Variants in MED8 observed in about 807,000 individuals in gnomAD.
The protein encoded by MED8 is mediator of RNA polymerase II transcription subunit 8.
In MED8, 22 loss-of-function variants were observed where a neutral mutation model predicts 34.8. The ratio of observed to expected loss-of-function variants is 0.63; its 90% CI spans 0.45 to 0.90. MED8 has a LOEUF of 0.90. Among genes scored for constraint, MED8 ranks in the 40% least tolerant of loss-of-function variants. MED8 has a pLI of 0.00. For missense variants in MED8, 260 were observed against 326.3 expected, an observed-to-expected ratio of 0.80 and a Z score of 1.57; for synonymous variants, 105 against 120.2, an observed-to-expected ratio of 0.87 and a Z score of 0.83.
At position 43,389,774 on chromosome 1, in the gene MED8, C is replaced by G. The variant is rs1246965718; in HGVS notation, c.-10G>C. ...CAACTCTCACCTGCATTGCGGCGGC[C>G]GAGGCGGCTGCCACGATTTCACTTC... is the stretch of plus-strand genomic sequence containing the variant. On this transcript the variant is annotated 5_prime_UTR_variant, in exon 1 of 7. Transcript: ENST00000372457. The G allele has an allele frequency of 1.2e-6, 2 of 1,609,190 alleles. No individual in the cohort carries two copies. Among genetic ancestry groups the G allele is most frequent in the South Asian group, 2.2e-5 (2 of 90,230 alleles).
At chr1:43,385,331 C>G (rs927698312) in intron 6 of MED8, 2 of 537,694 alleles carry the variant, frequency 3.7e-6, no homozygotes, top group Non-Finnish European at 3.3e-6. Flanking sequence ...TGTTCATCCA[C>G]TCCTAGAACA....
rs118153648 is a variant in MED8, at chr1:43,384,282, G to A, written c.*760C>T. The A allele has an allele frequency of 6.0e-3, 4,502 of 754,284 alleles. 54 individuals are homozygous for A. The highest frequency in any genetic ancestry group is 0.044 in the Admixed American group (1,137 of 26,096). 46.7% of individuals were successfully genotyped at this position (754,284 alleles called of 1,614,324 possible). ...TGAATCCAGGGGAAGGGGCTTTTTC[G>A]TGTGCTAAGGAAAAACCCTTTCCCA... On this transcript the variant is annotated 3_prime_UTR_variant, in exon 7 of 7. Transcript: ENST00000372457.
intron 6 of MED8, 74 bp from the exon 7 acceptor site, chr1:43,385,180 G>T: frequency 6.6e-7 from 1 of 1,526,536 alleles, no homozygotes; most frequent in Non-Finnish European, 8.8e-7. Context: ...TGGTACCTCA[G>T]GTTCCCTCTG....
chr1:43,384,351 T>G lies in MED8; in HGVS notation c.*691A>C. The G allele has an allele frequency of 1.4e-6, 2 of 1,399,680 alleles. No individual in the cohort carries two copies. The highest frequency in any genetic ancestry group is 1.9e-6 in the Non-Finnish European group (2 of 1,057,912). 86.7% of individuals were successfully genotyped at this position (1,399,680 alleles called of 1,614,324 possible). A position where few individuals can be genotyped will look rare whatever the true frequency, so the allele number is the denominator to read the frequency against. On this transcript the variant is annotated 3_prime_UTR_variant, in exon 7 of 7. Coordinates refer to ENST00000372457, the MANE Select transcript of MED8 (RefSeq NM_201542.5). ...AGCCACTTCCTGAGAAAGCCTCGTGTGTATAAGGTGGGGTAAAGGATAGGG... is the reference window on the plus strand; with the variant it reads ...AGCCACTTCCTGAGAAAGCCTCGTGGGTATAAGGTGGGGTAAAGGATAGGG...
rs1647782417 is a variant in MED8, at chr1:43,387,688, C to T, written c.126-41G>A. The T allele has an allele frequency of 1.9e-6, 3 of 1,609,098 alleles. 1 individual carries two copies. Among genetic ancestry groups the T allele is most frequent in the Non-Finnish European group, 2.6e-6 (3 of 1,176,352 alleles). ...AGGTGTAAGAATGTTGTACCCCTTC[C>T]CTGGGTGGTTCTTAGTAAAATAGTC... On this transcript the variant is annotated intron_variant, in intron 2 of 6. Transcript: ENST00000372457.
intron 1 of MED8, chr1:43,389,129 A>G (rs1647932662): frequency 6.6e-6 from 1 of 152,576 alleles, no homozygotes; most frequent in Non-Finnish European, 1.5e-5. Context: ...GGACAAACAA[A>G]TTAAAATGCT....
intron 3 of MED8, 70 bp from the exon 4 acceptor site, chr1:43,387,068 C>T: frequency 6.3e-7 from 1 of 1,576,896 alleles, no homozygotes; most frequent in Non-Finnish European, 8.6e-7. Context: ...GACATAAAGT[C>T]CCATCCACAG....
Position 43,384,999 on chromosome 1 carries a change from A to G in MED8, c.*43T>C, listed in dbSNP as rs1405400431. On this transcript the variant is annotated 3_prime_UTR_variant, in exon 7 of 7. Coordinates refer to ENST00000372457, the MANE Select transcript of MED8 (RefSeq NM_201542.5). Reference sequence around the variant, plus strand: ...TGAGCAAAAGGTAATTTCACTGCCCAACTCTGCAAAGAGCACCAGGGAGTC... The same window carrying G: ...TGAGCAAAAGGTAATTTCACTGCCCGACTCTGCAAAGAGCACCAGGGAGTC... 1.3e-6 allele frequency: 2 copies of G among 1,546,436 alleles called. No individual in the cohort carries two copies. Among genetic ancestry groups the G allele is most frequent in the Admixed American group, 4.1e-5 (2 of 49,106 alleles).
chr1:43,388,656 T>G, intron 1 of MED8: 2 of 572,670 alleles, frequency 3.5e-6, no homozygotes, highest in Non-Finnish European at 3.0e-6. Flanking sequence ...ACCAACTGAT[T>G]CCTTTTCCCC....
chr1:43,385,977 C>A lies in MED8; in HGVS notation c.742+1G>T. On this transcript the variant is annotated splice_donor_variant, in intron 6 of 6. Transcript: ENST00000372457. LOFTEE classifies it high-confidence loss of function. ...CTTCATTTCAACCCCTGCCACCTTA[C>A]CTGGTTGACCTGCCTGAGCCATTTG... 1 of 1,614,030 alleles carries A rather than the reference C, an allele frequency of 6.2e-7. No homozygotes were observed. Among genetic ancestry groups the A allele is most frequent in the Non-Finnish European group, 8.5e-7 (1 of 1,179,884 alleles).
chr1:43,386,870 T>C lies in MED8; in HGVS notation c.399A>G (p.Ala133=). 3.1e-6 allele frequency: 5 copies of C among 1,614,036 alleles called. No homozygotes were observed. Among genetic ancestry groups the C allele is most frequent in the Non-Finnish European group, 4.2e-6 (5 of 1,179,890 alleles). ...GACTCAGTCCAACCTGGGCTGCATC[T>C]GCACCAATGCGGGCAGCATCTGTCG... ...QLTTDAARIG[A]DAAQKQIQSL... Residue 133 remains alanine (A), a synonymous_variant, in exon 4 of 7, where the codon GCA becomes GCG. Coordinates refer to ENST00000372457, the MANE Select transcript of MED8 (RefSeq NM_201542.5). This position sits in a 1 kb window ranked among gnomAD's most constrained non-coding sequence, Gnocchi z 4.9.
In MED8 at chr1:43,387,634, C is replaced by T. The variant is rs1188320241; in HGVS notation, c.139G>A (p.Asp47Asn). The change falls in exon 3 of 7, where the codon GAC becomes AAC. Residue 47 changes from aspartate to asparagine, a missense_variant. By Grantham distance (23) the Asp-to-Asn change is conservative. Transcript: ENST00000372457. The stretch of plus-strand genomic sequence containing the variant: ...TGTCCAGAAAGCAAGGCAAAGCTGT[C>T]CAGGACAGATGGCCTGGTGGTGGTA... Reference protein sequence around the residue: ...YGRLTWPSVLDSFALLSGQLN... With the variant: ...YGRLTWPSVLNSFALLSGQLN... 6.2e-7 allele frequency: 1 copy of T among 1,613,938 alleles called. No homozygotes were observed.
At chr1:43,387,366 C>T in intron 3 of MED8, 137 bp downstream of exon 3, 1 of 1,183,260 alleles carries the variant, frequency 8.5e-7, no homozygotes, top group Non-Finnish European at 1.2e-6. Context: ...GAGTGGCTCT[C>T]CCGCCTTCAG....
At chr1:43,387,462 A>G (rs142792979) in intron 3 of MED8, 41 bp downstream of exon 3, 1 of 1,603,650 alleles carries the variant, frequency 6.2e-7, no homozygotes, top group African/African-American at 1.3e-5. Flanking sequence ...AGCCTAAAAA[A>G]CCCCTTAATT....
chr1:43,386,618 C>T lies in MED8; in HGVS notation c.464G>A (p.Ser155Asn), dbSNP rs1198128395. The T allele has an allele frequency of 6.2e-7, 1 of 1,612,202 alleles. No individual in the cohort carries two copies. Among genetic ancestry groups the T allele is most frequent in the Non-Finnish European group, 8.5e-7 (1 of 1,179,180 alleles). The change falls in exon 5 of 7, where the codon AGC becomes AAC. Residue 155 changes from serine to asparagine, a missense_variant. By Grantham distance (46) the Ser-to-Asn change is conservative. Coordinates refer to ENST00000372457, the MANE Select transcript of MED8 (RefSeq NM_201542.5). This position sits in a 1 kb window ranked among gnomAD's most constrained non-coding sequence, Gnocchi z 4.9. ...ACTCTCTGATTCTCGCTCCTCTTTG[C>T]TGATTTTCTCCAGAAGGTTTGAACA... ...KMCSNLLEKI[S>N]KEERESESGG...
In MED8 at chr1:43,386,861, G is replaced by C. The variant is rs769677704; in HGVS notation, c.408C>G (p.Ala136=). 3 of 1,613,822 alleles carry C rather than the reference G, an allele frequency of 1.9e-6. No homozygotes were observed. Among genetic ancestry groups the C allele is most frequent in the East Asian group, 2.2e-5 (1 of 44,902 alleles). Residue 136 remains alanine (A), a synonymous_variant, in exon 4 of 7, where the codon GCC becomes GCG. Coordinates refer to ENST00000372457, the MANE Select transcript of MED8 (RefSeq NM_201542.5). The surrounding 1 kb of genome is among the most constrained non-coding windows in gnomAD (Gnocchi z 4.9). The part of the protein sequence containing the change: ...TDAARIGADA[A]QKQIQSLNKM... Reference sequence around the variant, plus strand: ...CAAGGCAGTGACTCAGTCCAACCTGGGCTGCATCTGCACCAATGCGGGCAG... The same window carrying C: ...CAAGGCAGTGACTCAGTCCAACCTGCGCTGCATCTGCACCAATGCGGGCAG...
chr1:43,384,347 C>A lies in MED8; in HGVS notation c.*695G>T. 7.2e-7 allele frequency: 1 copy of A among 1,395,646 alleles called. No homozygotes were observed. Among genetic ancestry groups the A allele is most frequent in the Non-Finnish European group, 9.5e-7 (1 of 1,054,418 alleles). The allele number at this position is 1,395,646 out of a possible 1,614,324, so 86.5% of individuals were successfully genotyped here. A position where few individuals can be genotyped will look rare whatever the true frequency, so the allele number is the denominator to read the frequency against. On this transcript the variant is annotated 3_prime_UTR_variant, in exon 7 of 7. Coordinates refer to ENST00000372457, the MANE Select transcript of MED8 (RefSeq NM_201542.5). The stretch of plus-strand genomic sequence containing the variant: ...GCAGAGCCACTTCCTGAGAAAGCCT[C>A]GTGTGTATAAGGTGGGGTAAAGGAT...
At position 43,384,222 on chromosome 1, in the gene MED8, A is replaced by G. The variant is rs892105305; in HGVS notation, c.*820T>C. On this transcript the variant is annotated 3_prime_UTR_variant, in exon 7 of 7. Coordinates refer to ENST00000372457, the MANE Select transcript of MED8 (RefSeq NM_201542.5). ...CAACTAAACCCTGATGGCAGTGTGAAGTGCAATTCCCTTCTCCCTCCAAAA... is the reference window on the plus strand; with the variant it reads ...CAACTAAACCCTGATGGCAGTGTGAGGTGCAATTCCCTTCTCCCTCCAAAA... 1.3e-5 allele frequency: 6 copies of G among 460,760 alleles called. No homozygotes were observed. The highest frequency in any genetic ancestry group is 1.0e-4 in the African/African-American group (5 of 49,066). The allele number at this position is 460,760 out of a possible 1,614,324, so 28.5% of individuals were successfully genotyped here. A position where few individuals can be genotyped will look rare whatever the true frequency, so the allele number is the denominator to read the frequency against.
Position 43,386,719 on chromosome 1 carries a change from T to C in MED8, c.412-49A>G. On this transcript the variant is annotated intron_variant, in intron 4 of 6. Transcript: ENST00000372457. This position sits in a 1 kb window ranked among gnomAD's most constrained non-coding sequence, Gnocchi z 4.9. ...AGATTAGGGTAACTAGGAAACGATATGGAGAAATTTATTCCTTGGGTTCTG... is the reference window on the plus strand; with the variant it reads ...AGATTAGGGTAACTAGGAAACGATACGGAGAAATTTATTCCTTGGGTTCTG... 2 of 1,591,662 alleles carry C rather than the reference T, an allele frequency of 1.3e-6. No individual in the cohort carries two copies. The highest frequency in any genetic ancestry group is 1.1e-5 in the South Asian group (1 of 88,742).
Sources: gnomAD v4.1 joint callset for allele counts on GRCh38, gnomAD v4.1.1 for gene constraint, Gnocchi (gnomAD v3.1) non-coding constraint, MANE v1.5 for transcripts, NCBI Gene and HGNC (gene_info 2026-07-23, HGNC 2026-07-21) for gene names.